RYR3: variants seen among roughly 807,000 people sequenced by gnomAD.
RYR3 encodes the protein ryanodine receptor 3.
In RYR3, 207 loss-of-function variants were observed where a neutral mutation model predicts 584.3. That is an observed-to-expected ratio of 0.35 (90% CI 0.32 to 0.40). The LOEUF (loss-of-function observed/expected upper bound fraction) is 0.40, where lower values mean the gene tolerates loss of function less well. Among genes scored for constraint, RYR3 ranks in the 10% least tolerant of loss-of-function variants. The pLI is 1.00. For synonymous variants in RYR3, 2,416 were observed against 2,248.5 expected (o/e 1.07, Z -2.11); for missense variants, 5,616 against 6,089.2 (o/e 0.92, Z 2.59).
At chr15:33,696,044 C>G (rs12591538) in intron 38 of RYR3, among the ~76,000 whole-genome samples, 174 bp from the exon 39 acceptor site, 77,973 of 149,524 alleles carry the variant, frequency 0.52, 22,551 homozygotes, top group East Asian at 0.72. Context: ...ATCCTTCAGC[C>G]TCAGCCTCCC....
intron 12 of RYR3, among the ~76,000 whole-genome samples, chr15:33,576,795 G>A (rs924611912): frequency 2.9e-5 from 4 of 135,760 alleles, no homozygotes; most frequent in Non-Finnish European, 6.3e-5. Context: ...AGAAATAAAG[G>A]GTATTCACAC....
chr15:33,491,244 C>G (rs1246098710), intron 2 of RYR3, among the ~76,000 whole-genome samples: 1 of 152,190 alleles, frequency 6.6e-6, no homozygotes, highest in Non-Finnish European at 1.5e-5. Context: ...ATCTCGACTT[C>G]ATTAGCAGCA....
intron 65 of RYR3, among the ~76,000 whole-genome samples, chr15:33,780,970 C>G (rs1170746694): frequency 6.6e-6 from 1 of 152,230 alleles, no homozygotes; most frequent in African/African-American, 2.4e-5. Flanking sequence ...CACAACCACA[C>G]CTACTTACGT....
intron 42 of RYR3, among the ~76,000 whole-genome samples, chr15:33,705,749 T>G (rs1279510757): frequency 6.6e-6 from 1 of 152,164 alleles, no homozygotes; most frequent in Non-Finnish European, 1.5e-5. Context: ...CATCTTGGCT[T>G]TTGACTTTGG....
chr15:33,375,124 C>G (rs1204545988), intron 1 of RYR3, among the ~76,000 whole-genome samples: 1 of 152,160 alleles, frequency 6.6e-6, no homozygotes, highest in Non-Finnish European at 1.5e-5. Context: ...TGCTCTCTAA[C>G]TAAGGATAAA....
intron 51 of RYR3, among the ~76,000 whole-genome samples, chr15:33,740,269 A>C (rs977988436): frequency 6.6e-6 from 1 of 152,138 alleles, no homozygotes; most frequent in Admixed American, 6.5e-5. Flanking sequence ...TGAGGCACTG[A>C]GAGAACTACC....
At chr15:33,664,589 G>GTGTATATATATATATA (rs577496539) in intron 36 of RYR3, among the ~76,000 whole-genome samples, 1,171 of 91,206 alleles carry the variant, frequency 0.013, 19 homozygotes, top group South Asian at 0.023. Context: ...GTGTGTGTGT[G>GTGTATATATATATATA]TATATATATA....
intron 1 of RYR3, among the ~76,000 whole-genome samples, chr15:33,383,379 T>G (rs2339268): frequency 0.71 from 105,709 of 149,544 alleles, 37,454 homozygotes; most frequent in Non-Finnish European, 0.72. Flanking sequence ...CACACTTCGG[T>G]GATATGTCAT....
At chr15:33,701,971 C>T (rs1413870758) in intron 42 of RYR3, among the ~76,000 whole-genome samples, 1 of 152,132 alleles carries the variant, frequency 6.6e-6, no homozygotes, top group Non-Finnish European at 1.5e-5. Context: ...CTTATGCTAC[C>T]ATTTCTATTA....
intron 6 of RYR3, among the ~76,000 whole-genome samples, chr15:33,539,783 A>G (rs998367959): frequency 6.6e-6 from 1 of 152,208 alleles, no homozygotes; most frequent in Non-Finnish European, 1.5e-5. Context: ...TTCTTACAAT[A>G]AAGGAAGACA....
intron 48 of RYR3, among the ~76,000 whole-genome samples, chr15:33,735,863 G>A (rs577632303): frequency 2.0e-5 from 3 of 152,230 alleles, no homozygotes; most frequent in African/African-American, 4.8e-5. Flanking sequence ...GCTGCTCAAC[G>A]CCAGTTTCTC....
At chr15:33,389,697 T>A (rs1419128451) in intron 1 of RYR3, among the ~76,000 whole-genome samples, 1 of 152,232 alleles carries the variant, frequency 6.6e-6, no homozygotes, top group African/African-American at 2.4e-5. Flanking sequence ...CATAACCTTA[T>A]AAAATATATA....
intron 2 of RYR3, among the ~76,000 whole-genome samples, chr15:33,494,301 A>G (rs957229667): frequency 1.3e-5 from 2 of 152,224 alleles, no homozygotes; most frequent in Admixed American, 1.3e-4. Context: ...TATTCAATAA[A>G]TAAATTTGAT....
Position 33,728,724 on chromosome 15 carries a change from T to C in RYR3, c.7034-133T>C, listed in dbSNP as rs765309111. ...AGGTTTCAGATTTTTGGATTTGAGA[T>C]GCTCAATCTGTATTTTTCCAAAAAT... is the stretch of plus-strand genomic sequence containing the variant. On this transcript the variant is annotated intron_variant, in intron 46 of 103. Coordinates refer to ENST00000634891, the MANE Select transcript of RYR3 (RefSeq NM_001036.6). 1.6e-5 allele frequency: 13 copies of C among 800,322 alleles called. No individual in the cohort carries two copies. In the Admixed American group the frequency reaches 1.8e-4, roughly 11 times the overall value. 49.6% of individuals were successfully genotyped at this position (800,322 alleles called of 1,614,324 possible).
chr15:33,816,424 T>C (rs562838932), intron 74 of RYR3, among the ~76,000 whole-genome samples: 7 of 152,362 alleles, frequency 4.6e-5, no homozygotes, highest in African/African-American at 1.7e-4. Context: ...TTTTGGTATT[T>C]TGGTATCTCT....
chr15:33,643,334 C>G (rs918666616), intron 27 of RYR3, among the ~76,000 whole-genome samples: 1 of 152,202 alleles, frequency 6.6e-6, no homozygotes, highest in African/African-American at 2.4e-5. Context: ...ATAATTAGCG[C>G]TTTCCCTGTG....
intron 1 of RYR3, among the ~76,000 whole-genome samples, chr15:33,361,831 T>C (rs577462775): frequency 6.6e-6 from 1 of 152,314 alleles, no homozygotes; most frequent in African/African-American, 2.4e-5. Context: ...TTGAAGCTAA[T>C]TGATCCGGGA....
intron 1 of RYR3, among the ~76,000 whole-genome samples, chr15:33,321,968 A>G (rs1969029272): frequency 6.6e-6 from 1 of 152,208 alleles, no homozygotes; most frequent in South Asian, 2.1e-4. Context: ...CAGACCTGAG[A>G]TTCTCCAGAG....
intron 3 of RYR3, among the ~76,000 whole-genome samples, chr15:33,528,056 T>C (rs1448047705): frequency 6.6e-6 from 1 of 152,204 alleles, no homozygotes; most frequent in Non-Finnish European, 1.5e-5. Flanking sequence ...AATGCTTTCA[T>C]GGAAACGGAA....
Sources: allele counts gnomAD v4.1 joint callset (sites outside exome capture counted in the v4.1 genomes callset), GRCh38; gene constraint gnomAD v4.1.1; transcripts MANE v1.5; gene names NCBI Gene and HGNC (gene_info 2026-07-23, HGNC 2026-07-21).